Variants in CLSTN1 observed in about 807,000 individuals in gnomAD.
The protein encoded by CLSTN1 is calsyntenin 1, also known as calsyntenin-1.
In CLSTN1, 28 loss-of-function variants were observed where a neutral mutation model predicts 108.3. That is an observed-to-expected ratio of 0.26 (90% CI 0.19 to 0.35). The LOEUF (loss-of-function observed/expected upper bound fraction) is 0.35, where lower values mean the gene tolerates loss of function less well. Among genes scored for constraint, CLSTN1 ranks in the 10% least tolerant of loss-of-function variants. The probability of loss-of-function intolerance (pLI) is 1.00; values close to 1 mark genes in which losing one functional copy is unlikely to be tolerated. For missense variants in CLSTN1, 1,157 were observed against 1,302.6 expected, an observed-to-expected ratio of 0.89 and a Z score of 1.72; for synonymous variants, 524 against 534.9, an observed-to-expected ratio of 0.98 and a Z score of 0.28.
At chr1:9,780,990 C>T (rs751436394) in intron 1 of CLSTN1, 4 of 474,284 alleles carry the variant, frequency 8.4e-6, no homozygotes, top group African/African-American at 4.1e-5. Flanking sequence ...GGTGTCATGT[C>T]GGTGCTTAAA....
chr1:9,748,992 C>T (rs1022582657), intron 7 of CLSTN1, among the ~76,000 whole-genome samples: 2 of 152,022 alleles, frequency 1.3e-5, no homozygotes, highest in African/African-American at 4.8e-5. Flanking sequence ...GCAGCCTCAA[C>T]CTCCCGGGCT....
intron 1 of CLSTN1, among the ~76,000 whole-genome samples, chr1:9,775,823 A>G (rs1016176173): frequency 1.3e-5 from 2 of 152,120 alleles, no homozygotes; most frequent in Non-Finnish European, 2.9e-5. Flanking sequence ...TCTTCGTGCA[A>G]CATTCCAGGA....
At chr1:9,756,816 T>C (rs902225070) in intron 2 of CLSTN1, among the ~76,000 whole-genome samples, 3 of 152,168 alleles carry the variant, frequency 2.0e-5, no homozygotes, top group African/African-American at 7.2e-5. Context: ...AGTCTCGCTC[T>C]GTCACCCAGG....
Position 9,741,297 on chromosome 1 carries a change from C to A in CLSTN1, c.1357-41G>T, listed in dbSNP as rs753716256. 2.6e-6 allele frequency: 4 copies of A among 1,566,522 alleles called. No homozygotes were observed. In the East Asian group the frequency reaches 9.1e-5, roughly 36 times the overall value. On this transcript the variant is annotated intron_variant, in intron 9 of 18. Transcript: ENST00000377298. ...GAAGCGGGGAGGTGTGAGATGTCCA[C>A]TTTCCTTCTCATCAATGCCCATGGA...
chr1:9,760,795 C>G (rs190969930), intron 2 of CLSTN1, among the ~76,000 whole-genome samples: 3 of 150,300 alleles, frequency 2.0e-5, no homozygotes, highest in East Asian at 4.0e-4. Flanking sequence ...TCCCTCAGAG[C>G]TGGGATTACA....
intron 2 of CLSTN1, among the ~76,000 whole-genome samples, chr1:9,765,933 C>G (rs777348484): frequency 5.3e-5 from 8 of 152,038 alleles, no homozygotes; most frequent in Non-Finnish European, 8.8e-5. Context: ...AGCACAAGGT[C>G]AGCTCAGTTA....
intron 2 of CLSTN1, among the ~76,000 whole-genome samples, chr1:9,768,695 GTGGGGTT>G: frequency 9.5e-6 from 1 of 105,448 alleles, no homozygotes; most frequent in Admixed American, 9.5e-5. Flanking sequence ...CACCATGGGG[GTGGGGTT>G]CTGTGCTGGG....
intron 2 of CLSTN1, among the ~76,000 whole-genome samples, chr1:9,762,393 A>C (rs1382791494): frequency 6.6e-6 from 1 of 151,828 alleles, no homozygotes; most frequent in Non-Finnish European, 1.5e-5. Flanking sequence ...CCCGGGAGGC[A>C]GAAGTTGCAG....
At chr1:9,801,071 A>AC (rs1344356581) in intron 1 of CLSTN1, among the ~76,000 whole-genome samples, 28 of 151,716 alleles carry the variant, frequency 1.8e-4, no homozygotes, top group African/African-American at 6.0e-4. Context: ...ACATGGAGAA[A>AC]CCCCAACTCT....
At chr1:9,810,732 G>A (rs993586150) in intron 1 of CLSTN1, among the ~76,000 whole-genome samples, 9 of 151,918 alleles carry the variant, frequency 5.9e-5, no homozygotes, top group Admixed American at 1.3e-4. Context: ...CCGAGATTGC[G>A]CCACTACACT....
intron 2 of CLSTN1, among the ~76,000 whole-genome samples, chr1:9,768,957 A>C (rs1345901436): frequency 1.0e-5 from 1 of 95,578 alleles, no homozygotes; most frequent in East Asian, 3.6e-4. Context: ...GGGAGGGAGG[A>C]AAAGGGGGAA....
intron 1 of CLSTN1, among the ~76,000 whole-genome samples, chr1:9,788,439 T>C (rs1653596032): frequency 6.6e-6 from 1 of 150,784 alleles, no homozygotes; most frequent in African/African-American, 2.4e-5. Context: ...GGCATGGTAG[T>C]CCATGCTAAT....
rs1241655939 is a variant in CLSTN1 at position 9,823,579 on chromosome 1, G to C, written c.91+64C>G. The C allele has an allele frequency of 6.4e-6, 7 of 1,093,832 alleles. No individual in the cohort carries two copies. The African/African-American group carries it at 1.2e-4, about 18-fold the overall frequency. The allele number at this position is 1,093,832 out of a possible 1,614,324, so 67.8% of individuals were successfully genotyped here. On this transcript the variant is annotated intron_variant, in intron 1 of 18. Coordinates refer to ENST00000377298, the MANE Select transcript of CLSTN1 (RefSeq NM_001009566.3). The surrounding 1 kb of genome is among the most constrained non-coding windows in gnomAD (Gnocchi z 6.3). ...GACCCGAATCCCCGCACCGGGACCC[G>C]AATCCTGCACCCGGACCCGAATCCC...
Position 9,735,961 on chromosome 1 carries a change from T to A in CLSTN1, c.1658A>T (p.Lys553Met). The change falls in exon 12 of 19, where the codon AAG becomes ATG. Residue 553 changes from lysine (K) to methionine (M), a missense_variant. Lys to Met is a moderately conservative substitution (Grantham distance 95). Transcript: ENST00000377298. ...GCAGGTATACAGACAGTCGATCACC[T>A]TCTTATCCGCGAGTTTCCCGGAACG... Reference protein sequence around the residue: ...TLRSGKLADKKVIDCLYTCKE... With the variant: ...TLRSGKLADKMVIDCLYTCKE... The A allele has an allele frequency of 3.7e-6, 6 of 1,614,194 alleles. No individual in the cohort carries two copies. The highest frequency in any genetic ancestry group is 5.1e-6 in the Non-Finnish European group (6 of 1,180,026).
chr1:9,761,487 G>A (rs1038483134), intron 2 of CLSTN1, among the ~76,000 whole-genome samples: 4 of 152,140 alleles, frequency 2.6e-5, no homozygotes, highest in East Asian at 3.8e-4. Flanking sequence ...GGGCGACGGA[G>A]TGAGACCATG....
At chr1:9,766,238 T>C (rs1652323788) in intron 2 of CLSTN1, among the ~76,000 whole-genome samples, 1 of 152,098 alleles carries the variant, frequency 6.6e-6, no homozygotes, top group Admixed American at 6.5e-5. Context: ...AAGGAGGAGC[T>C]CTGAAGAGGA....
intron 2 of CLSTN1, among the ~76,000 whole-genome samples, chr1:9,762,929 G>A (rs1570464363): frequency 2.6e-5 from 4 of 152,194 alleles, no homozygotes; most frequent in South Asian, 2.1e-4. Flanking sequence ...GAGCTCATAC[G>A]TGTCTCTAAT....
At chr1:9,785,045 G>A (rs1250311445) in intron 1 of CLSTN1, among the ~76,000 whole-genome samples, 2 of 147,620 alleles carry the variant, frequency 1.4e-5, no homozygotes, top group Non-Finnish European at 3.0e-5. Context: ...AGGCTGAAGT[G>A]AAATAAAACT....
chr1:9,769,077 G>A (rs954752199), intron 2 of CLSTN1, among the ~76,000 whole-genome samples: 1 of 145,676 alleles, frequency 6.9e-6, no homozygotes, highest in Non-Finnish European at 1.5e-5. Flanking sequence ...GAGAGAGGAA[G>A]GAAAGGACAG....
Sources: allele counts gnomAD v4.1 joint callset (sites outside exome capture counted in the v4.1 genomes callset), GRCh38; gene constraint gnomAD v4.1.1; non-coding constraint Gnocchi (gnomAD v3.1); transcripts MANE v1.5; gene names NCBI Gene and HGNC (gene_info 2026-07-23, HGNC 2026-07-21).